LIFR: variants seen among roughly 807,000 people sequenced by gnomAD.
LIFR encodes the protein LIF receptor subunit alpha, also known as leukemia inhibitory factor receptor.
LIFR carries 84 observed loss-of-function variants against 122.2 expected under a neutral mutation model. That is an observed-to-expected ratio of 0.69 (90% CI 0.58 to 0.82). The LOEUF is 0.82. Among genes scored for constraint, LIFR ranks in the 40% least tolerant of loss-of-function variants. The pLI, the probability that LIFR is intolerant of heterozygous loss-of-function variation, is 0.00. For synonymous variants in LIFR, 422 were observed against 434.7 expected, an observed-to-expected ratio of 0.97 and a Z score of 0.36; for missense variants, 1,294 against 1,311.6, an observed-to-expected ratio of 0.99 and a Z score of 0.21.
intron 1 of LIFR, among the ~76,000 whole-genome samples, chr5:38,571,135 T>A (rs1749195145): frequency 6.6e-6 from 1 of 152,210 alleles, no homozygotes; most frequent in African/African-American, 2.4e-5. Context: ...CAACTTGATC[T>A]TCATCAGCCA....
chr5:38,532,315 C>A (rs1580129342), intron 1 of LIFR, among the ~76,000 whole-genome samples: 1 of 152,200 alleles, frequency 6.6e-6, no homozygotes, highest in East Asian at 1.9e-4. Context: ...GGCTCCATTA[C>A]TAATTAGTGG....
intron 4 of LIFR, among the ~76,000 whole-genome samples, chr5:38,526,577 C>T (rs1488151906): frequency 1.3e-5 from 2 of 152,148 alleles, no homozygotes; most frequent in Non-Finnish European, 2.9e-5. Flanking sequence ...GACAGCTATA[C>T]ATGCATTGCA....
In LIFR at chr5:38,481,748, G is replaced by A. The variant is rs751088321; in HGVS notation, c.3141C>T (p.Ser1047=). 6 of 1,614,156 alleles carry A rather than the reference G, an allele frequency of 3.7e-6. No homozygotes were observed. Among genetic ancestry groups the A allele is most frequent in the Non-Finnish European group, 3.4e-6 (4 of 1,180,020 alleles). The change falls in exon 20 of 20, where the codon TCC becomes TCT. Residue 1047 remains serine (S), a synonymous_variant. Coordinates refer to ENST00000453190, the MANE Select transcript of LIFR (RefSeq NM_001127671.2). ...WNLVSPDSPR[S]IDSNSEIVSF... is the part of the protein sequence containing the mutation. ...AGACAATCTCACTGTTGCTGTCTAT[G>A]GATCTAGGAGAGTCTGGAGACACTA...
At chr5:38,573,150 A>G (rs1749270385) in intron 1 of LIFR, among the ~76,000 whole-genome samples, 2 of 152,276 alleles carry the variant, frequency 1.3e-5, no homozygotes, top group African/African-American at 4.8e-5. Context: ...TTACTAATTT[A>G]AAATGAGAAA....
chr5:38,524,095 C>A (rs1167757445), intron 4 of LIFR, among the ~76,000 whole-genome samples: 2 of 152,158 alleles, frequency 1.3e-5, no homozygotes, highest in African/African-American at 2.4e-5. Flanking sequence ...GGCTGTAGGG[C>A]AGCCCTAAGA....
chr5:38,519,766 C>T (rs1746303496), intron 5 of LIFR, among the ~76,000 whole-genome samples: 1 of 152,150 alleles, frequency 6.6e-6, no homozygotes, highest in Non-Finnish European at 1.5e-5. Flanking sequence ...GCGTAGTGGC[C>T]TCCAGTTCCA....
At chr5:38,507,214 C>A (rs907606352) in intron 7 of LIFR, among the ~76,000 whole-genome samples, 1 of 151,458 alleles carries the variant, frequency 6.6e-6, no homozygotes, top group African/African-American at 2.4e-5. Flanking sequence ...AGCTTTAAGG[C>A]AGGACTAGAA....
At chr5:38,517,175 G>C (rs1471292929) in intron 5 of LIFR, among the ~76,000 whole-genome samples, 1 of 151,962 alleles carries the variant, frequency 6.6e-6, no homozygotes, top group Non-Finnish European at 1.5e-5. Flanking sequence ...CTTCAGGTTT[G>C]TACATGTATC....
intron 4 of LIFR, among the ~76,000 whole-genome samples, chr5:38,526,024 G>A (rs971224936): frequency 6.6e-6 from 1 of 152,122 alleles, no homozygotes; most frequent in Non-Finnish European, 1.5e-5. Context: ...ATAATTACAA[G>A]TACAAGGATT....
At chr5:38,574,113 C>G (rs1352512827) in intron 1 of LIFR, among the ~76,000 whole-genome samples, 9 of 151,926 alleles carry the variant, frequency 5.9e-5, no homozygotes. Context: ...GAGACTCCAT[C>G]TCAAAAAAAC....
intron 1 of LIFR, among the ~76,000 whole-genome samples, chr5:38,567,496 G>GTATGTATT (rs145746447): frequency 3.8e-5 from 5 of 132,882 alleles, no homozygotes; most frequent in Non-Finnish European, 6.3e-5. Context: ...TGACCATTCT[G>GTATGTATT]TATTTATTTA....
intron 14 of LIFR, chr5:38,490,671 C>G (rs1361903272): frequency 6.5e-6 from 1 of 153,344 alleles, no homozygotes; most frequent in Non-Finnish European, 1.4e-5. Flanking sequence ...ATGATCTTAG[C>G]TCACTGCAAC....
rs1743908711 is a variant in LIFR, at chr5:38,480,108, T to C, written c.*1487A>G. 4.5e-6 allele frequency: 1 copy of C among 223,574 alleles called. No individual in the cohort carries two copies. Among genetic ancestry groups the C allele is most frequent in the Non-Finnish European group, 8.7e-6 (1 of 114,866 alleles). 13.8% of individuals were successfully genotyped at this position (223,574 alleles called of 1,614,324 possible). A position where few individuals can be genotyped will look rare whatever the true frequency, so the allele number is the denominator to read the frequency against. On this transcript the variant is annotated 3_prime_UTR_variant, in exon 20 of 20. Coordinates refer to ENST00000453190, the MANE Select transcript of LIFR (RefSeq NM_001127671.2). ...TGCAAATACATTACAGAATCTCAGA[T>C]GATAAAAAACAAACAAACAACCAAA...
At chr5:38,566,162 G>C (rs752314441) in intron 1 of LIFR, among the ~76,000 whole-genome samples, 1 of 152,052 alleles carries the variant, frequency 6.6e-6, no homozygotes, top group Non-Finnish European at 1.5e-5. Flanking sequence ...TGAAGTTTTA[G>C]ATATAAGCTT....
At chr5:38,526,909 G>C (rs913673064) in intron 4 of LIFR, among the ~76,000 whole-genome samples, 6 of 152,142 alleles carry the variant, frequency 3.9e-5, no homozygotes, top group Non-Finnish European at 8.8e-5. Context: ...GTACGCAGGA[G>C]TCAAGGGGGC....
chr5:38,573,083 G>T (rs1000708726), intron 1 of LIFR, among the ~76,000 whole-genome samples: 2 of 152,206 alleles, frequency 1.3e-5, no homozygotes, highest in East Asian at 3.8e-4. Context: ...AAACCCTAGA[G>T]AGTCAAGTCA....
At position 38,481,357 on chromosome 5, in the gene LIFR, T is replaced by G. The variant is rs543535972; in HGVS notation, c.*238A>C. On this transcript the variant is annotated 3_prime_UTR_variant, in exon 20 of 20. Transcript: ENST00000453190. ...GTAGAGTACATGAGAATTCTTTGGC[T>G]TGATCACAAAGAGCTCCCAATCTTG... The G allele has an allele frequency of 6.1e-5, 35 of 569,224 alleles. No individual in the cohort carries two copies. Among genetic ancestry groups the G allele is most frequent in the African/African-American group, 5.8e-4 (31 of 53,494 alleles). The allele number at this position is 569,224 out of a possible 1,614,324, so 35.3% of individuals were successfully genotyped here.
At chr5:38,565,435 G>A (rs1166300580) in intron 1 of LIFR, among the ~76,000 whole-genome samples, 1 of 152,092 alleles carries the variant, frequency 6.6e-6, no homozygotes, top group African/African-American at 2.4e-5. Context: ...GTCCCGGATG[G>A]TGACATAGCT....
Position 38,482,600 on chromosome 5 carries a change from T to A in LIFR, c.2659A>T (p.Ser887Cys). 6.7e-7 allele frequency: 1 copy of A among 1,483,992 alleles called. No individual in the cohort carries two copies. Among genetic ancestry groups the A allele is most frequent in the Non-Finnish European group, 9.2e-7 (1 of 1,085,670 alleles). The allele number at this position is 1,483,992 out of a possible 1,614,324, so 91.9% of individuals were successfully genotyped here. Residue 887 changes from serine (S) to cysteine (C), a missense_variant, in exon 19 of 20, where the codon AGT becomes TGT. Coordinates refer to ENST00000453190, the MANE Select transcript of LIFR (RefSeq NM_001127671.2). ...AAATAAAAGATTACCTCACAGACAC[T>A]CTTTTGAAACTGTAATGCTTTACAG... The part of the protein sequence containing the change: ...ENCKALQFQK[S>C]VCEGSSALKT...
Sources: gnomAD v4.1 joint callset for allele counts (sites outside exome capture counted in the v4.1 genomes callset) on GRCh38, gnomAD v4.1.1 for gene constraint, MANE v1.5 for transcripts, NCBI Gene and HGNC (gene_info 2026-07-23, HGNC 2026-07-21) for gene names.